Variants in ZNF609 observed in about 807,000 individuals in gnomAD.
ZNF609 encodes zinc finger protein 609.
In ZNF609, 11 loss-of-function variants were observed where a neutral mutation model predicts 109.5. The ratio of observed to expected loss-of-function variants is 0.10; its 90% CI spans 0.06 to 0.17. ZNF609 has a LOEUF of 0.17. ZNF609 is among the 10% of genes least tolerant of loss of function. The pLI, the probability that ZNF609 is intolerant of heterozygous loss-of-function variation, is 1.00. For synonymous variants in ZNF609, 646 were observed against 662.0 expected (o/e 0.98, Z 0.37); for missense variants, 1,559 against 1,772.4 (o/e 0.88, Z 2.16).
At chr15:64,613,175 A>G (rs1895744589) in intron 2 of ZNF609, among the ~76,000 whole-genome samples, 1 of 151,672 alleles carries the variant, frequency 6.6e-6, no homozygotes, top group Middle Eastern at 3.2e-3. Flanking sequence ...ACAACAGTTA[A>G]CCAGTCATGG....
rs138170725 is a variant in ZNF609 at position 64,514,905 on chromosome 15, G to A, written c.747+14739G>A. Among the ~76,000 whole-genome samples, 299 of 152,216 alleles carry A rather than the reference G, an allele frequency of 2.0e-3. 5 individuals are homozygous for A. Among genetic ancestry groups the A allele is most frequent in the Admixed American group, 0.015 (236 of 15,294 alleles). ...TTCCGCCTTAGCCTCCCAAAGTGCT[G>A]GGATTAGAGGTGTGAGCCACTGCGC... On this transcript the variant is annotated intron_variant, in intron 2 of 9. Coordinates refer to ENST00000326648, the MANE Select transcript of ZNF609 (RefSeq NM_015042.2).
chr15:64,524,140 T>A (rs1893935537), intron 2 of ZNF609, among the ~76,000 whole-genome samples: 1 of 152,086 alleles, frequency 6.6e-6, no homozygotes. Context: ...ACATCACTAA[T>A]TCCAGAATAT....
chr15:64,527,825 G>T (rs2140369227), intron 2 of ZNF609, among the ~76,000 whole-genome samples: 1 of 152,146 alleles, frequency 6.6e-6, no homozygotes, highest in Admixed American at 6.5e-5. Context: ...CTTATCTCTT[G>T]TAACTTCCCC....
At chr15:64,623,945 G>A (rs1345986359) in intron 3 of ZNF609, among the ~76,000 whole-genome samples, 1 of 152,152 alleles carries the variant, frequency 6.6e-6, no homozygotes, top group Non-Finnish European at 1.5e-5. Flanking sequence ...ACTCTGAGGA[G>A]TTTAGAGGCC....
intron 1 of ZNF609, among the ~76,000 whole-genome samples, chr15:64,472,630 C>T (rs1038101629): frequency 3.9e-5 from 6 of 151,994 alleles, no homozygotes; most frequent in African/African-American, 7.3e-5. Context: ...TTTGGGAGGC[C>T]GAGGCTGGAG....
At chr15:64,577,709 C>G (rs1420295860) in intron 2 of ZNF609, among the ~76,000 whole-genome samples, 3 of 145,144 alleles carry the variant, frequency 2.1e-5, no homozygotes, top group East Asian at 3.9e-4. Context: ...ATAAAGAAAA[C>G]AAGGTCGGGT....
At chr15:64,596,626 T>A (rs1895402950) in intron 2 of ZNF609, among the ~76,000 whole-genome samples, 1 of 152,200 alleles carries the variant, frequency 6.6e-6, no homozygotes, top group Non-Finnish European at 1.5e-5. Flanking sequence ...CATTGTTCTC[T>A]TATCACATGA....
chr15:64,645,082 T>TTTCC (rs1896314958), intron 3 of ZNF609, among the ~76,000 whole-genome samples: 1 of 73,432 alleles, frequency 1.4e-5, no homozygotes, highest in Non-Finnish European at 2.6e-5. Flanking sequence ...CCTTCCTTTC[T>TTTCC]TTCCCTCCCT....
intron 6 of ZNF609, among the ~76,000 whole-genome samples, chr15:64,679,840 C>T (rs763955024): frequency 3.9e-5 from 6 of 152,204 alleles, no homozygotes; most frequent in Non-Finnish European, 8.8e-5. Flanking sequence ...TAGTAAGTCT[C>T]AGAGTAAGGT....
At chr15:64,539,781 C>T (rs1330005916) in intron 2 of ZNF609, among the ~76,000 whole-genome samples, 1 of 152,148 alleles carries the variant, frequency 6.6e-6, no homozygotes, top group African/African-American at 2.4e-5. Context: ...GCCTGAGCCA[C>T]TACGCCCAGC....
chr15:64,510,954 T>C (rs921160192), intron 2 of ZNF609, among the ~76,000 whole-genome samples: 1 of 151,696 alleles, frequency 6.6e-6, no homozygotes, highest in Non-Finnish European at 1.5e-5. Flanking sequence ...ATTTATCTTT[T>C]ATTGTTTTAT....
chr15:64,517,262 A>G (rs973885684), intron 2 of ZNF609, among the ~76,000 whole-genome samples: 31 of 152,138 alleles, frequency 2.0e-4, no homozygotes, highest in African/African-American at 4.3e-4. Flanking sequence ...CTGTAGTCCA[A>G]GCTTCTCAGG....
chr15:64,580,708 A>G (rs1189416252), intron 2 of ZNF609, among the ~76,000 whole-genome samples: 2 of 151,568 alleles, frequency 1.3e-5, no homozygotes, highest in South Asian at 2.1e-4. Context: ...TGCCTAGCTA[A>G]TTTTTGTAGA....
At position 64,622,863 on chromosome 15, in the gene ZNF609, A is replaced by G. The variant is rs1895897811; in HGVS notation, c.784A>G (p.Ile262Val). 4.3e-6 allele frequency: 7 copies of G among 1,614,116 alleles called. No individual in the cohort carries two copies. The South Asian group carries it at 5.5e-5, about 13-fold the overall frequency. Reference sequence around the variant, plus strand: ...TGTTTCCACACCAGCAGTGCTGCCAATACACCTTTTGGTGCCAGTGGTCAA... The same window carrying G: ...TGTTTCCACACCAGCAGTGCTGCCAGTACACCTTTTGGTGCCAGTGGTCAA... Reference protein sequence around the residue: ...SPVSTPAVLPIHLLVPVVNND... With the variant: ...SPVSTPAVLPVHLLVPVVNND... The change falls in exon 3 of 10, where the codon ATA (isoleucine) becomes GTA (valine). Residue 262 changes from isoleucine (I) to valine (V), a missense_variant. Coordinates refer to ENST00000326648, the MANE Select transcript of ZNF609 (RefSeq NM_015042.2).
chr15:64,562,795 A>G (rs1179616223), intron 2 of ZNF609, among the ~76,000 whole-genome samples: 1 of 152,112 alleles, frequency 6.6e-6, no homozygotes, highest in Non-Finnish European at 1.5e-5. Flanking sequence ...TCTCAGTAAA[A>G]ATTTTAATAT....
intron 2 of ZNF609, among the ~76,000 whole-genome samples, chr15:64,535,999 G>C: frequency 6.7e-6 from 1 of 148,854 alleles, no homozygotes; most frequent in East Asian, 2.0e-4. Flanking sequence ...TTTTTCTTTG[G>C]CCACTGGAAT....
rs1202361389 is a variant in ZNF609 at position 64,673,821 on chromosome 15, G to C, written c.1062-95G>C. On this transcript the variant is annotated intron_variant, in intron 4 of 9. Transcript: ENST00000326648. The stretch of plus-strand genomic sequence containing the variant: ...CAAATCATATTCATTGAAAATGATA[G>C]TCACCATCTGGACAGTTCTGGAGGC... 10 of 1,330,942 alleles carry C rather than the reference G, an allele frequency of 7.5e-6. No individual in the cohort carries two copies. In the East Asian group the frequency reaches 1.6e-4, roughly 22 times the overall value. The allele number at this position is 1,330,942 out of a possible 1,614,324, so 82.4% of individuals were successfully genotyped here.
At chr15:64,548,220 G>A (rs1295474934) in intron 2 of ZNF609, among the ~76,000 whole-genome samples, 1 of 152,084 alleles carries the variant, frequency 6.6e-6, no homozygotes, top group Non-Finnish European at 1.5e-5. Context: ...GGAAACAAAG[G>A]TCCTAGCCTT....
intron 2 of ZNF609, among the ~76,000 whole-genome samples, chr15:64,604,995 C>G (rs1895571377): frequency 6.6e-6 from 1 of 152,036 alleles, no homozygotes; most frequent in Non-Finnish European, 1.5e-5. Flanking sequence ...CCACGCCCGG[C>G]TAATTTTTTG....
Sources: gnomAD v4.1 joint callset for allele counts (sites outside exome capture counted in the v4.1 genomes callset) on GRCh38, gnomAD v4.1.1 for gene constraint, MANE v1.5 for transcripts, NCBI Gene and HGNC (gene_info 2026-07-23, HGNC 2026-07-21) for gene names.